Variants in IPCEF1 observed in about 807,000 individuals in gnomAD.
IPCEF1 encodes interaction protein for cytohesin exchange factors 1, also known as interactor protein for cytohesin exchange factors 1.
IPCEF1 carries 31 observed loss-of-function variants against 50.9 expected under a neutral mutation model. That is an observed-to-expected ratio of 0.61 (90% CI 0.46 to 0.82). The LOEUF (loss-of-function observed/expected upper bound fraction) is 0.82. Ranked by LOEUF, IPCEF1 falls within the 40% of genes least tolerant of loss-of-function variation. The pLI, the probability that IPCEF1 is intolerant of heterozygous loss-of-function variation, is 0.00. For synonymous variants in IPCEF1, 181 were observed against 192.0 expected (o/e 0.94, Z 0.47); for missense variants, 458 against 514.0 (o/e 0.89, Z 1.05).
intron 5 of IPCEF1, among the ~76,000 whole-genome samples, chr6:154,230,894 T>A (rs1332905275): frequency 2.0e-5 from 3 of 152,140 alleles, no homozygotes; most frequent in Non-Finnish European, 2.9e-5. Flanking sequence ...GCTAAAAAAA[T>A]TTCTTTGTAA....
chr6:154,337,171 A>G (rs1015462651), intron 1 of IPCEF1, among the ~76,000 whole-genome samples: 7 of 152,212 alleles, frequency 4.6e-5, no homozygotes, highest in African/African-American at 1.7e-4. Flanking sequence ...AACATACTCA[A>G]TAAATTATAA....
In IPCEF1 at chr6:154,282,062, G is replaced by A. The variant is rs183786857; in HGVS notation, c.-18+7651C>T. ...CACATGTCTGTAATCCCAGCTACTC[G>A]GGAGGCTGAGGCAGGAGAATAGCTT... is the stretch of plus-strand genomic sequence containing the variant. On this transcript the variant is annotated intron_variant, in intron 2 of 11. Coordinates refer to ENST00000367220, the MANE Select transcript of IPCEF1 (RefSeq NM_001130700.2). 5.0e-3 allele frequency among the ~76,000 whole-genome samples: 760 copies of A among 152,146 alleles called. 10 individuals carry two copies. Among genetic ancestry groups the A allele is most frequent in the African/African-American group, 0.016 (663 of 41,500 alleles).
chr6:154,323,707 C>T (rs573010034), intron 1 of IPCEF1, among the ~76,000 whole-genome samples: 1 of 152,170 alleles, frequency 6.6e-6, no homozygotes, highest in Non-Finnish European at 1.5e-5. Context: ...AATCCCAACA[C>T]TTTGGGAGGC....
At chr6:154,278,441 T>A (rs1782119907) in intron 2 of IPCEF1, among the ~76,000 whole-genome samples, 1 of 152,074 alleles carries the variant, frequency 6.6e-6, no homozygotes, top group Admixed American at 6.5e-5. Flanking sequence ...GCAAAAGTGA[T>A]CTTGAAAGTA....
At chr6:154,277,799 G>A (rs1782101218) in intron 2 of IPCEF1, among the ~76,000 whole-genome samples, 1 of 152,114 alleles carries the variant, frequency 6.6e-6, no homozygotes, top group South Asian at 2.1e-4. Context: ...GACTTTGCCT[G>A]TGAGATTTTC....
In IPCEF1 at chr6:154,257,515, G is replaced by A. The variant is rs1781491859; in HGVS notation, c.36+8397C>T. Reference sequence around the variant, plus strand: ...TTTATGTTTTTCTTTGTCTATCATTGCTATATGTTGGAAGATGAATGGAAT... The same window carrying A: ...TTTATGTTTTTCTTTGTCTATCATTACTATATGTTGGAAGATGAATGGAAT... On this transcript the variant is annotated intron_variant, in intron 3 of 11. Transcript: ENST00000367220. Among the ~76,000 whole-genome samples, 3 of 152,036 alleles carry A rather than the reference G, an allele frequency of 2.0e-5. No individual in the cohort carries two copies. In the South Asian group the frequency reaches 6.2e-4, roughly 32 times the overall value.
intron 1 of IPCEF1, among the ~76,000 whole-genome samples, chr6:154,347,255 A>C (rs1784048777): frequency 6.6e-6 from 1 of 152,196 alleles, no homozygotes; most frequent in Non-Finnish European, 1.5e-5. Context: ...CCCTCAGGAC[A>C]GCTATATACT....
Position 154,159,784 on chromosome 6 carries a change from G to A in IPCEF1, c.*44C>T, listed in dbSNP as rs1477182783. On this transcript the variant is annotated 3_prime_UTR_variant, in exon 12 of 12. Transcript: ENST00000367220. ...GTAAGCTTTTGCAACATCTTGAAGA[G>A]TTGCTTGTGATAAAATATAAGAGGA... is the stretch of plus-strand genomic sequence containing the variant. The A allele has an allele frequency of 6.8e-7, 1 of 1,461,656 alleles. No individual in the cohort carries two copies. Among genetic ancestry groups the A allele is most frequent in the Admixed American group, 1.8e-5 (1 of 54,246 alleles). The allele number at this position is 1,461,656 out of a possible 1,614,324, so 90.5% of individuals were successfully genotyped here. A position where few individuals can be genotyped will look rare whatever the true frequency, so the allele number is the denominator to read the frequency against.
At chr6:154,297,080 C>T (rs552318642) in intron 1 of IPCEF1, among the ~76,000 whole-genome samples, 2 of 152,046 alleles carry the variant, frequency 1.3e-5, no homozygotes, top group South Asian at 4.2e-4. Flanking sequence ...TAGGGTCTCA[C>T]TCTGTCACCC....
At chr6:154,254,275 G>C (rs1781406960) in intron 3 of IPCEF1, among the ~76,000 whole-genome samples, 1 of 152,114 alleles carries the variant, frequency 6.6e-6, no homozygotes, top group Admixed American at 6.5e-5. Flanking sequence ...AACTGAGACT[G>C]GGTAATTTAT....
At chr6:154,279,132 A>T (rs1442736428) in intron 2 of IPCEF1, among the ~76,000 whole-genome samples, 4 of 151,668 alleles carry the variant, frequency 2.6e-5, no homozygotes, top group African/African-American at 9.7e-5. Context: ...CAAAATAAAA[A>T]AAAAAAAAAG....
intron 10 of IPCEF1, among the ~76,000 whole-genome samples, chr6:154,173,167 AC>A (rs1800016355): frequency 6.6e-6 from 1 of 152,230 alleles, no homozygotes; most frequent in Admixed American, 6.5e-5. Flanking sequence ...TCCGTAGGTC[AC>A]CAACACCTAA....
intron 1 of IPCEF1, among the ~76,000 whole-genome samples, chr6:154,314,006 C>A (rs1159991226): frequency 6.6e-6 from 1 of 152,106 alleles, no homozygotes; most frequent in Non-Finnish European, 1.5e-5. Context: ...TCTTGGCCCC[C>A]CAAAATGCTG....
intron 10 of IPCEF1, among the ~76,000 whole-genome samples, chr6:154,196,129 T>A (rs898257852): frequency 7.9e-5 from 12 of 152,100 alleles, no homozygotes; most frequent in Non-Finnish European, 1.5e-4. Flanking sequence ...ACAAAGTACA[T>A]CAGCACATGT....
chr6:154,162,761 G>A (rs1799127296), intron 11 of IPCEF1, among the ~76,000 whole-genome samples: 1 of 152,108 alleles, frequency 6.6e-6, no homozygotes, highest in Non-Finnish European at 1.5e-5. Flanking sequence ...TATGTGCTGA[G>A]GGTCCCAAGT....
intron 1 of IPCEF1, among the ~76,000 whole-genome samples, chr6:154,295,913 A>G (rs57358305): frequency 0.03 from 12 of 394 alleles, no homozygotes; most frequent in African/African-American, 0.04. Context: ...ACACACACGC[A>G]CACACACACA....
At chr6:154,182,753 A>C (rs1030349380) in intron 10 of IPCEF1, among the ~76,000 whole-genome samples, 2 of 152,190 alleles carry the variant, frequency 1.3e-5, no homozygotes, top group African/African-American at 4.8e-5. Context: ...TTGTAGATAA[A>C]TATGTTAGCT....
chr6:154,225,680 G>A (rs1274149178), intron 5 of IPCEF1, among the ~76,000 whole-genome samples: 1 of 152,192 alleles, frequency 6.6e-6, no homozygotes, highest in Non-Finnish European at 1.5e-5. Context: ...TGAGGGGGTT[G>A]CACAACATTG....
intron 2 of IPCEF1, among the ~76,000 whole-genome samples, chr6:154,275,931 G>A (rs1782044239): frequency 6.6e-6 from 1 of 152,152 alleles, no homozygotes; most frequent in Non-Finnish European, 1.5e-5. Context: ...TGTAATCCTA[G>A]CACTTTGGGA....
Sources: gnomAD v4.1 joint callset for allele counts (sites outside exome capture counted in the v4.1 genomes callset) on GRCh38, gnomAD v4.1.1 for gene constraint, MANE v1.5 for transcripts, NCBI Gene and HGNC (gene_info 2026-07-23, HGNC 2026-07-21) for gene names.